The following PCDH19 variants were observed in gnomAD, a reference collection of about 807,000 sequenced individuals.
The protein encoded by PCDH19 is protocadherin-19.
A neutral mutation model predicts 46.2 loss-of-function variants in PCDH19; 6 were observed. That is an observed-to-expected ratio of 0.13 (90% CI 0.07 to 0.26). The LOEUF (loss-of-function observed/expected upper bound fraction) is 0.26. PCDH19 is among the 10% of genes least tolerant of loss of function. The pLI is 1.00. For synonymous variants in PCDH19, 481 were observed against 415.7 expected (o/e 1.16, Z -1.91); for missense variants, 740 against 972.3 (o/e 0.76, Z 3.18).
In PCDH19 at chrX:100,292,534, G is replaced by A; in HGVS notation, c.*3743C>T. ...CCAGCGGCACAAGAAAACGAAGAGA[G>A]CTGCAACAACTTCATTAGGACAATG... On this transcript the variant is annotated 3_prime_UTR_variant, in exon 6 of 6. Coordinates refer to ENST00000373034, the MANE Select transcript of PCDH19 (RefSeq NM_001184880.2). The A allele has an allele frequency of 8.9e-6, 1 of 112,376 alleles. No individual in the cohort carries two copies. The highest frequency in any genetic ancestry group is 2.8e-4 in the East Asian group (1 of 3,564). 9.3% of individuals were successfully genotyped at this position (112,376 alleles called of 1,213,427 possible). A position where few individuals can be genotyped will look rare whatever the true frequency, so the allele number is the denominator to read the frequency against.
intron 3 of PCDH19, among the ~76,000 whole-genome samples, chrX:100,373,422 G>A (rs781478188): frequency 1.4e-3 from 155 of 112,827 alleles, no homozygotes; most frequent in African/African-American, 4.8e-3. Flanking sequence ...TCATCTCATT[G>A]GGGAAAAGAA....
chrX:100,303,561 A>T (rs1256235774), intron 5 of PCDH19, among the ~76,000 whole-genome samples: 2 of 111,481 alleles, frequency 1.8e-5, no homozygotes, highest in African/African-American at 6.5e-5. Flanking sequence ...TTTAGCAAAA[A>T]AAAGATGGAA....
At chrX:100,322,900 G>T (rs1925565465) in intron 5 of PCDH19, among the ~76,000 whole-genome samples, 1 of 87,076 alleles carries the variant, frequency 1.1e-5, no homozygotes, top group African/African-American at 4.9e-5. Flanking sequence ...TTGAGTTCTT[G>T]ATTTGATTCT....
At chrX:100,356,153 A>C (rs1471120742) in intron 3 of PCDH19, among the ~76,000 whole-genome samples, 1 of 111,838 alleles carries the variant, frequency 8.9e-6, no homozygotes, top group Non-Finnish European at 1.9e-5. Flanking sequence ...TTGAAAATGA[A>C]CGAACTTTTA....
chrX:100,333,151 AAG>A (rs1569294538), intron 5 of PCDH19, among the ~76,000 whole-genome samples: 4 of 53,092 alleles, frequency 7.5e-5, no homozygotes, highest in Non-Finnish European at 1.2e-4. Context: ...GGAAGGAAGG[AAG>A]GAAGGAAGGA....
chrX:100,400,810 A>T, intron 3 of PCDH19, among the ~76,000 whole-genome samples: 1 of 111,845 alleles, frequency 8.9e-6, no homozygotes, highest in Non-Finnish European at 1.9e-5. Context: ...TGGTCCTAAG[A>T]CCCCTTATCC....
In PCDH19 at chrX:100,407,937, T is replaced by A. The variant is rs752919057; in HGVS notation, c.661A>T (p.Thr221Ser). 70 of 1,210,123 alleles carry A rather than the reference T, an allele frequency of 5.8e-5. No homozygotes were observed. In the South Asian group the frequency reaches 1.2e-3, roughly 21 times the overall value. ...GTCACCTTGATACTAAGGCCAACGGTGCCCAGGCGCGGCGGGTCGCCACCG... is the reference window on the plus strand; with the variant it reads ...GTCACCTTGATACTAAGGCCAACGGAGCCCAGGCGCGGCGGGTCGCCACCG... Reference protein sequence around the residue: ...LDGGDPPRLGTVGLSIKVTDS... With the variant: ...LDGGDPPRLGSVGLSIKVTDS... Residue 221 changes from threonine to serine, a missense_variant, in exon 1 of 6, where the codon ACC becomes TCC. This residue lies in a region of PCDH19 where 186 missense variants were observed against 319.9 expected (regional missense o/e 0.58). Coordinates refer to ENST00000373034, the MANE Select transcript of PCDH19 (RefSeq NM_001184880.2).
Position 100,295,083 on chromosome X carries a change from T to A in PCDH19, c.*1194A>T, listed in dbSNP as rs1309177354. 8.9e-6 allele frequency: 1 copy of A among 112,273 alleles called. No individual in the cohort carries two copies. Among genetic ancestry groups the A allele is most frequent in the Non-Finnish European group, 1.9e-5 (1 of 53,199 alleles). The allele number at this position is 112,273 out of a possible 1,213,427, so 9.3% of individuals were successfully genotyped here. On this transcript the variant is annotated 3_prime_UTR_variant, in exon 6 of 6. Transcript: ENST00000373034. ...TCCAAAATATACACTTTGTACTGCTTACTCTATCCCTACGTATATAAGCCT... is the reference window on the plus strand; with the variant it reads ...TCCAAAATATACACTTTGTACTGCTAACTCTATCCCTACGTATATAAGCCT...
intron 3 of PCDH19, among the ~76,000 whole-genome samples, chrX:100,375,796 G>A (rs1010817994): frequency 8.9e-6 from 1 of 112,237 alleles, no homozygotes; most frequent in African/African-American, 3.2e-5. Flanking sequence ...CATTTCAATT[G>A]AGGATCAACA....
At chrX:100,367,005 T>G (rs773794509) in intron 3 of PCDH19, among the ~76,000 whole-genome samples, 1 of 112,172 alleles carries the variant, frequency 8.9e-6, no homozygotes, top group Non-Finnish European at 1.9e-5. Context: ...GACTTCTGTT[T>G]GCACAAGGTG....
chrX:100,407,914 C>T lies in PCDH19; in HGVS notation c.684G>A (p.Val228=), dbSNP rs201810406. The T allele has an allele frequency of 2.1e-5, 26 of 1,210,904 alleles. No individual in the cohort carries two copies. The highest frequency in any genetic ancestry group is 2.8e-5 in the Non-Finnish European group (25 of 895,506). ...CCGGGTTGTTGTCATTGGAGTCGGT[C>T]ACCTTGATACTAAGGCCAACGGTGC... ...RLGTVGLSIK[V]TDSNDNNPVF... The change falls in exon 1 of 6, where the codon GTG becomes GTA. Residue 228 remains valine (V), a synonymous_variant. Coordinates refer to ENST00000373034, the MANE Select transcript of PCDH19 (RefSeq NM_001184880.2).
chrX:100,300,866 C>A (rs1051434535), intron 5 of PCDH19, among the ~76,000 whole-genome samples: 5 of 86,287 alleles, frequency 5.8e-5, no homozygotes, highest in African/African-American at 2.3e-4. Flanking sequence ...TTGGTGGTCA[C>A]AATTTGTCAT....
chrX:100,381,024 A>T (rs1927537673), intron 3 of PCDH19, among the ~76,000 whole-genome samples: 1 of 112,222 alleles, frequency 8.9e-6, no homozygotes, highest in African/African-American at 3.2e-5. Flanking sequence ...AAGTCCCAGG[A>T]TTATTTGATC....
chrX:100,327,580 C>T (rs1216442598), intron 5 of PCDH19, among the ~76,000 whole-genome samples: 4 of 112,068 alleles, frequency 3.6e-5, no homozygotes, highest in South Asian at 3.8e-4. Flanking sequence ...AATTAGAATT[C>T]TTAGGTTTAT....
intron 5 of PCDH19, among the ~76,000 whole-genome samples, chrX:100,333,447 C>T (rs1188658116): frequency 9.0e-6 from 1 of 111,459 alleles, no homozygotes; most frequent in African/African-American, 3.3e-5. Flanking sequence ...CCAAAGAGAT[C>T]ACATTACACC....
intron 3 of PCDH19, among the ~76,000 whole-genome samples, chrX:100,395,434 T>C (rs186839105): frequency 1.8e-3 from 206 of 112,404 alleles, no homozygotes; most frequent in African/African-American, 6.5e-3. Context: ...CAGGTCCTCC[T>C]AGAGAGTCCT....
At position 100,406,756 on chromosome X, in the gene PCDH19, G is replaced by A; in HGVS notation, c.1842C>T (p.Phe614=). 8.3e-7 allele frequency: 1 copy of A among 1,211,743 alleles called. No homozygotes were observed. Among genetic ancestry groups the A allele is most frequent in the Non-Finnish European group, 1.1e-6 (1 of 895,547 alleles). Residue 614 remains phenylalanine (F), a synonymous_variant, in exon 1 of 6, where the codon TTC becomes TTT. Transcript: ENST00000373034. ...CGCCATTGACCTGGTCTATTTCAAA[G>A]AAGCCGCGGTCGCCCTCGGTCATGT... The part of the protein sequence containing the change: ...TYDMTEGDRG[F]FEIDQVNGEV...
At chrX:100,366,002 C>T (rs1385462104) in intron 3 of PCDH19, among the ~76,000 whole-genome samples, 1 of 111,872 alleles carries the variant, frequency 8.9e-6, no homozygotes, top group Admixed American at 9.5e-5. Context: ...CTTCTCAATA[C>T]CCTATCATTA....
chrX:100,399,622 C>T (rs754685736), intron 3 of PCDH19, among the ~76,000 whole-genome samples: 4 of 111,213 alleles, frequency 3.6e-5, no homozygotes, highest in Non-Finnish European at 5.7e-5. Flanking sequence ...ATTTTCCCTA[C>T]GCAGGGCATT....
Sources: allele counts gnomAD v4.1 joint callset (sites outside exome capture counted in the v4.1 genomes callset), GRCh38; gene constraint gnomAD v4.1.1; regional missense constraint gnomAD v4.1.1; transcripts MANE v1.5; gene names NCBI Gene and HGNC (gene_info 2026-07-23, HGNC 2026-07-21).